Variants in OR56A3 observed in about 807,000 individuals in gnomAD.
OR56A3 encodes the protein olfactory receptor 56A3.
A neutral mutation model predicts 17.5 loss-of-function variants in OR56A3; 23 were observed. That is an observed-to-expected ratio of 1.32 (90% confidence interval 0.95 to 1.87). The LOEUF is 1.87. Among genes scored for constraint, OR56A3 ranks in the 40% most tolerant of loss-of-function variants. The pLI, the probability that OR56A3 is intolerant of heterozygous loss-of-function variation, is 0.00. For synonymous variants in OR56A3, 175 were observed against 150.6 expected, an observed-to-expected ratio of 1.16 and a Z score of -1.19; for missense variants, 366 against 380.1, an observed-to-expected ratio of 0.96 and a Z score of 0.31.
chr11:5,982,158 C>T, the OR56A3 span, among the ~76,000 whole-genome samples: 1 of 152,306 alleles, frequency 6.6e-6, no homozygotes, highest in Non-Finnish European at 1.5e-5. Flanking sequence ...AGTGTCAGGG[C>T]AGCACATGTG....
the OR56A3 span, among the ~76,000 whole-genome samples, chr11:5,957,954 G>A: frequency 6.6e-6 from 1 of 152,058 alleles, no homozygotes; most frequent in Non-Finnish European, 1.5e-5. Flanking sequence ...AAAAGTGGTG[G>A]CCAATGTGGA....
At chr11:5,960,779 C>A in the OR56A3 span, among the ~76,000 whole-genome samples, 6 of 150,674 alleles carry the variant, frequency 4.0e-5, no homozygotes, top group Non-Finnish European at 8.9e-5. Flanking sequence ...GTGAGGAATG[C>A]GTCTTCCCGG....
At chr11:5,959,330 T>A in the OR56A3 span, among the ~76,000 whole-genome samples, 2 of 152,158 alleles carry the variant, frequency 1.3e-5, no homozygotes, top group Non-Finnish European at 2.9e-5. Flanking sequence ...TGTTTTCCTT[T>A]TTGTTTTTAT....
At chr11:6,018,312 C>T in the OR56A3 span, among the ~76,000 whole-genome samples, 2 of 152,128 alleles carry the variant, frequency 1.3e-5, no homozygotes, top group Admixed American at 1.3e-4. Context: ...AGAACATTGT[C>T]CAAAATAGAA....
chr11:5,986,955 T>C, the OR56A3 span: 13 of 1,604,182 alleles, frequency 8.1e-6, no homozygotes, highest in East Asian at 2.9e-4. Context: ...TGCTACATTA[T>C]CACATTGTCC....
At chr11:6,005,075 A>G in the OR56A3 span, among the ~76,000 whole-genome samples, 9 of 152,246 alleles carry the variant, frequency 5.9e-5, no homozygotes, top group African/African-American at 2.2e-4. Context: ...ACAAATGACA[A>G]TTCTGGCTCT....
the OR56A3 span, among the ~76,000 whole-genome samples, chr11:5,975,703 A>G: frequency 2.0e-5 from 3 of 152,050 alleles, no homozygotes; most frequent in Non-Finnish European, 4.4e-5. Context: ...CATGATTTAT[A>G]GTCCTTTGGG....
At chr11:5,998,129 T>C in the OR56A3 span, among the ~76,000 whole-genome samples, 1 of 152,194 alleles carries the variant, frequency 6.6e-6, no homozygotes, top group East Asian at 1.9e-4. Context: ...ACAATTGTGT[T>C]GCAGACAATG....
chr11:6,010,776 G>A, the OR56A3 span, among the ~76,000 whole-genome samples: 2 of 151,958 alleles, frequency 1.3e-5, no homozygotes, highest in African/African-American at 4.8e-5. Context: ...ACCTATCTGA[G>A]GGATTTTTTT....
chr11:5,990,426 T>G, the OR56A3 span, among the ~76,000 whole-genome samples: 2 of 152,140 alleles, frequency 1.3e-5, no homozygotes, highest in Non-Finnish European at 2.9e-5. Flanking sequence ...CAGAAAGAGA[T>G]CTGCTGAATC....
In OR56A3 at chr11:5,951,336, T is replaced by C. The variant is rs1847906493; in HGVS notation, c.*3042T>C. On this transcript the variant is annotated 3_prime_UTR_variant, in exon 3 of 3. Coordinates refer to ENST00000641160, the MANE Select transcript of OR56A3 (RefSeq NM_001003443.3). Reference sequence around the variant, plus strand: ...TTATTTGTAATTCATTAAATTTTTCTTTACATCATTTACACACACATAGAT... The same window carrying C: ...TTATTTGTAATTCATTAAATTTTTCCTTACATCATTTACACACACATAGAT... 1 of 152,146 alleles carries C rather than the reference T, an allele frequency of 6.6e-6. No individual in the cohort carries two copies. The allele number at this position is 152,146 out of a possible 1,614,324, so 9.4% of individuals were successfully genotyped here.
chr11:5,994,792 T>C, the OR56A3 span: 1 of 754,208 alleles, frequency 1.3e-6, no homozygotes, highest in Middle Eastern at 3.1e-4. Flanking sequence ...GTCCCCAGTC[T>C]ACCTGGGGTC....
the OR56A3 span, among the ~76,000 whole-genome samples, chr11:5,991,887 A>T: frequency 6.6e-6 from 1 of 152,220 alleles, no homozygotes; most frequent in African/African-American, 2.4e-5. Context: ...GACAACCTGC[A>T]CAAAGCCTAA....
the OR56A3 span, among the ~76,000 whole-genome samples, chr11:5,997,188 C>T: frequency 6.6e-6 from 1 of 152,154 alleles, no homozygotes; most frequent in East Asian, 1.9e-4. Context: ...ACTTTGCCCC[C>T]ATGGGAAAGC....
At chr11:5,963,245 T>C in the OR56A3 span, among the ~76,000 whole-genome samples, 2 of 152,182 alleles carry the variant, frequency 1.3e-5, no homozygotes, top group Admixed American at 1.3e-4. Context: ...CTTTTATTTT[T>C]CTATTTCCTT....
chr11:5,967,603 T>C, the OR56A3 span: 2 of 1,613,418 alleles, frequency 1.2e-6, no homozygotes, highest in Non-Finnish European at 1.7e-6. Flanking sequence ...TCCTTGGTTC[T>C]CACACCATAA....
the OR56A3 span, chr11:6,003,070 T>G: frequency 1.2e-6 from 2 of 1,611,708 alleles, no homozygotes; most frequent in Non-Finnish European, 1.7e-6. Flanking sequence ...AAAAAGTACA[T>G]TCTAGACGTA....
chr11:5,984,356 T>C, the OR56A3 span, among the ~76,000 whole-genome samples: 13 of 152,076 alleles, frequency 8.5e-5, no homozygotes, highest in Non-Finnish European at 1.9e-4. Flanking sequence ...ACCAAAAAAA[T>C]GGTGGTTTAA....
chr11:5,993,324 G>A, the OR56A3 span, among the ~76,000 whole-genome samples: 18 of 152,246 alleles, frequency 1.2e-4, no homozygotes, highest in Non-Finnish European at 2.2e-4. Flanking sequence ...AATATCCTAT[G>A]AGAATGGATG....
Sources: gnomAD v4.1 joint callset for allele counts (sites outside exome capture counted in the v4.1 genomes callset) on GRCh38, gnomAD v4.1.1 for gene constraint, MANE v1.5 for transcripts, NCBI Gene and HGNC (gene_info 2026-07-23, HGNC 2026-07-21) for gene names.